Variants in ADGRB3 observed in about 807,000 individuals in gnomAD.
The protein encoded by ADGRB3 is adhesion G protein-coupled receptor B3.
Under a neutral mutation model 193.4 loss-of-function variants are expected in ADGRB3, and 37 were observed. The ratio of observed to expected loss-of-function variants is 0.19; its 90% CI spans 0.15 to 0.25. The LOEUF (loss-of-function observed/expected upper bound fraction) is 0.25, where lower values mean the gene tolerates loss of function less well. ADGRB3 is among the 10% of genes least tolerant of loss of function. The pLI, the probability that ADGRB3 is intolerant of heterozygous loss-of-function variation, is 1.00. For synonymous variants in ADGRB3, 690 were observed against 644.2 expected (o/e 1.07, Z -1.08); for missense variants, 1,637 against 1,852.9 (o/e 0.88, Z 2.14).
At chr6:68,775,631 C>A (rs527615169) in intron 3 of ADGRB3, among the ~76,000 whole-genome samples, 1 of 152,184 alleles carries the variant, frequency 6.6e-6, no homozygotes, top group South Asian at 2.1e-4. Flanking sequence ...GCAACTGATT[C>A]AAAAGTTTCT....
intron 20 of ADGRB3, among the ~76,000 whole-genome samples, chr6:69,323,561 A>G (rs970203046): frequency 1.3e-4 from 20 of 152,038 alleles, no homozygotes; most frequent in Non-Finnish European, 4.4e-5. Flanking sequence ...TAAGTACTAC[A>G]TGAAACAAAG....
chr6:69,198,782 T>TA (rs1765352742), intron 17 of ADGRB3, among the ~76,000 whole-genome samples: 2 of 152,140 alleles, frequency 1.3e-5, no homozygotes, highest in South Asian at 4.1e-4. Context: ...AATTAATTAA[T>TA]AAATGAATAA....
chr6:69,187,231 T>C (rs1765089774), intron 17 of ADGRB3, among the ~76,000 whole-genome samples: 2 of 152,172 alleles, frequency 1.3e-5, no homozygotes, highest in Non-Finnish European at 2.9e-5. Context: ...AAAAACGTTT[T>C]TAACGAATTA....
At chr6:68,824,141 G>A (rs1767798184) in intron 3 of ADGRB3, among the ~76,000 whole-genome samples, 1 of 152,016 alleles carries the variant, frequency 6.6e-6, no homozygotes, top group Non-Finnish European at 1.5e-5. Flanking sequence ...TATGTCCCAG[G>A]TGCATTGTAT....
intron 3 of ADGRB3, among the ~76,000 whole-genome samples, chr6:68,763,353 G>C (rs1766448899): frequency 6.6e-6 from 1 of 152,160 alleles, no homozygotes; most frequent in African/African-American, 2.4e-5. Flanking sequence ...GCCTCCCAAA[G>C]TGCTGGGGTT....
At chr6:69,159,422 G>A (rs939003880) in intron 17 of ADGRB3, among the ~76,000 whole-genome samples, 1 of 151,862 alleles carries the variant, frequency 6.6e-6, no homozygotes, top group African/African-American at 2.4e-5. Context: ...ATTAATTACA[G>A]ATTGATTTTA....
In ADGRB3 at chr6:68,857,401, A is replaced by G. The variant is rs1033529751; in HGVS notation, c.758-73158A>G. On this transcript the variant is annotated intron_variant, in intron 3 of 31. Coordinates refer to ENST00000370598, the MANE Select transcript of ADGRB3 (RefSeq NM_001704.3). ...GCAAAACCACAGGAGCAGACTGCCC[A>G]AGACTATGTGAACCTGCCTCTTGCA... Among the ~76,000 whole-genome samples, 5 of 152,334 alleles carry G rather than the reference A, an allele frequency of 3.3e-5. No homozygotes were observed. The South Asian group carries it at 1.0e-3, about 32-fold the overall frequency.
At chr6:68,812,461 T>C (rs1767530158) in intron 3 of ADGRB3, among the ~76,000 whole-genome samples, 1 of 152,190 alleles carries the variant, frequency 6.6e-6, no homozygotes, top group Non-Finnish European at 1.5e-5. Context: ...AGAATTTAAG[T>C]GTTTTAATAA....
In ADGRB3 at chr6:68,930,542, C is replaced by T; in HGVS notation, c.758-17C>T. On this transcript the variant is annotated splice_polypyrimidine_tract_variant and intron_variant, in intron 3 of 31. Transcript: ENST00000370598. ...TGTCTACACACAAGCTTTCATATAC[C>T]TTTATTCTGTCTTTAGAATTTGGAA... 1 of 1,567,130 alleles carries T rather than the reference C, an allele frequency of 6.4e-7. No individual in the cohort carries two copies. The highest frequency in any genetic ancestry group is 8.8e-7 in the Non-Finnish European group (1 of 1,141,010).
chr6:69,157,010 A>G (rs901378117), intron 17 of ADGRB3, among the ~76,000 whole-genome samples: 1 of 152,186 alleles, frequency 6.6e-6, no homozygotes, highest in Non-Finnish European at 1.5e-5. Context: ...AAGCCACTGA[A>G]GAAGTGGCGC....
rs147380873 is a variant in ADGRB3, at chr6:68,678,760, G to A, written c.757+39328G>A. On this transcript the variant is annotated intron_variant, in intron 3 of 31. Coordinates refer to ENST00000370598, the MANE Select transcript of ADGRB3 (RefSeq NM_001704.3). ...GTAATTTCACTTTGATTTTTGTTAC[G>A]TAAGATTGATCGTATTGTTATAAAA... 7.0e-4 allele frequency among the ~76,000 whole-genome samples: 106 copies of A among 152,130 alleles called. No individual in the cohort carries two copies. The East Asian group carries it at 0.017, about 25-fold the overall frequency.
At chr6:68,778,630 T>C (rs769680702) in intron 3 of ADGRB3, among the ~76,000 whole-genome samples, 2 of 152,138 alleles carry the variant, frequency 1.3e-5, no homozygotes, top group Non-Finnish European at 2.9e-5. Context: ...TTCTGAACTT[T>C]GCAGAGCACT....
At chr6:68,995,771 A>G (rs976746440) in intron 11 of ADGRB3, among the ~76,000 whole-genome samples, 5 of 151,942 alleles carry the variant, frequency 3.3e-5, no homozygotes, top group African/African-American at 1.2e-4. Context: ...CTTATCTGAA[A>G]TTCCTTCCTC....
At chr6:69,346,467 G>A (rs1328537320) in intron 26 of ADGRB3, among the ~76,000 whole-genome samples, 2 of 152,038 alleles carry the variant, frequency 1.3e-5, no homozygotes, top group Non-Finnish European at 2.9e-5. Flanking sequence ...ACTGACAGAG[G>A]GCTAATATCC....
At chr6:68,775,753 T>G (rs190188811) in intron 3 of ADGRB3, among the ~76,000 whole-genome samples, 171 of 152,258 alleles carry the variant, frequency 1.1e-3, no homozygotes, top group African/African-American at 3.9e-3. Context: ...ACACAAATTA[T>G]GACCTAGCCA....
At chr6:69,042,156 C>T (rs1020652988) in intron 13 of ADGRB3, among the ~76,000 whole-genome samples, 1 of 152,204 alleles carries the variant, frequency 6.6e-6, no homozygotes, top group Non-Finnish European at 1.5e-5. Context: ...TGCATGTTTG[C>T]TTCCCTTTCT....
At chr6:69,383,052 GTA>G (rs1769985931) in intron 31 of ADGRB3, 117 bp downstream of exon 31, 3 of 546,062 alleles carry the variant, frequency 5.5e-6, no homozygotes, top group Non-Finnish European at 8.9e-6. Context: ...GAAAAAAAAA[GTA>G]TAAGCCCCCA....
intron 3 of ADGRB3, among the ~76,000 whole-genome samples, chr6:68,912,450 G>A (rs899614884): frequency 2.0e-5 from 3 of 151,602 alleles, no homozygotes; most frequent in Non-Finnish European, 4.4e-5. Context: ...CATGTGCCAT[G>A]CTGGTGTGCT....
At chr6:69,329,624 T>C (rs1768667502) in intron 22 of ADGRB3, among the ~76,000 whole-genome samples, 1 of 152,228 alleles carries the variant, frequency 6.6e-6, no homozygotes, top group Non-Finnish European at 1.5e-5. Context: ...GAAGGCAGCA[T>C]GCTGATGCTG....
Sources: gnomAD v4.1 joint callset for allele counts (sites outside exome capture counted in the v4.1 genomes callset) on GRCh38, gnomAD v4.1.1 for gene constraint, MANE v1.5 for transcripts, NCBI Gene and HGNC (gene_info 2026-07-23, HGNC 2026-07-21) for gene names.